The following USP12 variants were observed in gnomAD, a reference collection of about 807,000 sequenced individuals.
The protein encoded by USP12 is ubiquitin specific peptidase 12.
A neutral mutation model predicts 45.5 loss-of-function variants in USP12; 19 were observed. The ratio of observed to expected loss-of-function variants is 0.42; its 90% CI spans 0.29 to 0.61. The LOEUF (loss-of-function observed/expected upper bound fraction) is 0.61, where lower values mean the gene tolerates loss of function less well. Ranked by LOEUF, USP12 falls within the 20% of genes least tolerant of loss-of-function variation. USP12 has a pLI of 0.22. For missense variants in USP12, 242 were observed against 447.7 expected (o/e 0.54, Z 4.15); for synonymous variants, 149 against 148.8 (o/e 1.00, Z -0.01).
intron 2 of USP12, among the ~76,000 whole-genome samples, chr13:27,107,706 C>A (rs561695346): frequency 6.6e-6 from 1 of 152,166 alleles, no homozygotes; most frequent in East Asian, 1.9e-4. Context: ...ATGGCTGATA[C>A]AAGATCTGCG....
Position 27,095,507 on chromosome 13 carries a change from T to A in USP12, c.573+94A>T, listed in dbSNP as rs536665196. 1.4e-5 allele frequency: 13 copies of A among 942,446 alleles called. No individual in the cohort carries two copies. In the African/African-American group the frequency reaches 2.0e-4, roughly 15 times the overall value. The allele number at this position is 942,446 out of a possible 1,614,324, so 58.4% of individuals were successfully genotyped here. A position where few individuals can be genotyped will look rare whatever the true frequency, so the allele number is the denominator to read the frequency against. ...AACTCCTATACCTAAGAATTACAAC[T>A]TTCAAGTTCATCTTCCATTCTGTCT... On this transcript the variant is annotated intron_variant, in intron 4 of 8. Transcript: ENST00000282344.
rs1348645635 is a variant in USP12 at position 27,129,373 on chromosome 13, A to G, written c.49-12777T>C. Among the ~76,000 whole-genome samples, 2 of 152,250 alleles carry G rather than the reference A, an allele frequency of 1.3e-5. No homozygotes were observed. Among genetic ancestry groups the G allele is most frequent in the Admixed American group, 1.3e-4 (2 of 15,290 alleles). On this transcript the variant is annotated intron_variant, in intron 1 of 8. Coordinates refer to ENST00000282344, the MANE Select transcript of USP12 (RefSeq NM_182488.4). This position sits in a 1 kb window ranked among gnomAD's most constrained non-coding sequence, Gnocchi z 4.0. ...ACAACTTTTAAGTTCTGCAAAAATAAAAACCATTCTTAGTAACCACACCAT... is the reference window on the plus strand; with the variant it reads ...ACAACTTTTAAGTTCTGCAAAAATAGAAACCATTCTTAGTAACCACACCAT...
intron 1 of USP12, among the ~76,000 whole-genome samples, chr13:27,125,363 A>G (rs1876177637): frequency 1.3e-5 from 2 of 152,178 alleles, no homozygotes; most frequent in Non-Finnish European, 2.9e-5. Context: ...AGATGTAGAG[A>G]TAAGAGAATA....
At chr13:27,145,763 T>C (rs1185369072) in intron 1 of USP12, among the ~76,000 whole-genome samples, 1 of 152,064 alleles carries the variant, frequency 6.6e-6, no homozygotes, top group East Asian at 1.9e-4. Context: ...ACCACAAAAT[T>C]TTGTTATCAA....
chr13:27,135,944 A>G (rs929670408), intron 1 of USP12, among the ~76,000 whole-genome samples: 6 of 152,190 alleles, frequency 3.9e-5, no homozygotes, highest in African/African-American at 1.4e-4. Context: ...CTCATTTTAC[A>G]TAAAATTCAG....
At chr13:27,138,023 C>T (rs1031611144) in intron 1 of USP12, among the ~76,000 whole-genome samples, 1 of 152,208 alleles carries the variant, frequency 6.6e-6, no homozygotes, top group African/African-American at 2.4e-5. Context: ...CAGCCAGCAC[C>T]CTAAGTGAGC....
At chr13:27,128,886 C>T (rs1164172539) in intron 1 of USP12, among the ~76,000 whole-genome samples, 3 of 152,304 alleles carry the variant, frequency 2.0e-5, no homozygotes, top group African/African-American at 7.2e-5. Flanking sequence ...GTACCTACCA[C>T]TCCTGAGAAG....
intron 2 of USP12, among the ~76,000 whole-genome samples, chr13:27,109,895 C>G (rs571789): frequency 0.98 from 138,535 of 141,832 alleles, 67,744 homozygotes; most frequent in East Asian, 1. Flanking sequence ...CTGGGCGACA[C>G]AGTGAGACTC....
intron 1 of USP12, among the ~76,000 whole-genome samples, chr13:27,131,291 C>T (rs1317817136): frequency 6.6e-6 from 1 of 152,184 alleles, no homozygotes; most frequent in Non-Finnish European, 1.5e-5. Flanking sequence ...TGAGCTCCAC[C>T]ACCACTTCTC....
At chr13:27,152,941 CAAAAAAAA>C (rs11306580) in intron 1 of USP12, among the ~76,000 whole-genome samples, 2 of 92,838 alleles carry the variant, frequency 2.2e-5, no homozygotes, top group African/African-American at 8.6e-5. Flanking sequence ...GACTCCGTCT[CAAAAAAAA>C]AAAAAAAAAA....
In USP12 at chr13:27,129,221, A is replaced by G. The variant is rs1285169716; in HGVS notation, c.49-12625T>C. Among the ~76,000 whole-genome samples the G allele has an allele frequency of 8.0e-6, 1 of 124,694 alleles. No homozygotes were observed. Among genetic ancestry groups the G allele is most frequent in the African/African-American group, 2.6e-5 (1 of 38,312 alleles). 81.8% of individuals were successfully genotyped at this position (124,694 alleles called of 152,430 possible). ...GACAACAGGAATATTATATTAAACC[A>G]CAGTTAAGTGGAAAGAACAAAGCAG... On this transcript the variant is annotated intron_variant, in intron 1 of 8. Coordinates refer to ENST00000282344, the MANE Select transcript of USP12 (RefSeq NM_182488.4). This position sits in a 1 kb window ranked among gnomAD's most constrained non-coding sequence, Gnocchi z 4.0.
chr13:27,145,270 A>G (rs1877261032), intron 1 of USP12, among the ~76,000 whole-genome samples: 1 of 152,200 alleles, frequency 6.6e-6, no homozygotes, highest in Non-Finnish European at 1.5e-5. Context: ...TTTTCTCCAT[A>G]TGGCAATGGT....
chr13:27,156,219 G>GAAAAAAAAA (rs56139734), intron 1 of USP12, among the ~76,000 whole-genome samples: 1 of 141,892 alleles, frequency 7.0e-6, no homozygotes. Context: ...CTCCTGCAAG[G>GAAAAAAAAA]AAAAAAAAAA....
intron 7 of USP12, among the ~76,000 whole-genome samples, chr13:27,072,789 T>G (rs1873304583): frequency 1.3e-5 from 2 of 151,940 alleles, no homozygotes; most frequent in African/African-American, 4.8e-5. Context: ...TTGCTAGAAG[T>G]CTCTTCTAGG....
intron 1 of USP12, among the ~76,000 whole-genome samples, chr13:27,144,874 A>T (rs1464218522): frequency 6.6e-6 from 1 of 151,670 alleles, no homozygotes; most frequent in African/African-American, 2.4e-5. Flanking sequence ...AGCCCGGGTA[A>T]TAGGGCCAAA....
At chr13:27,141,764 G>C (rs1452355902) in intron 1 of USP12, among the ~76,000 whole-genome samples, 2 of 152,144 alleles carry the variant, frequency 1.3e-5, no homozygotes, top group Non-Finnish European at 2.9e-5. Flanking sequence ...ACTAGTAGAG[G>C]TTGAGCATCC....
rs756002834 is a variant in USP12, at chr13:27,090,150, G to A, written c.582C>T (p.Ser194=). The change falls in exon 5 of 9, where the codon AGC becomes AGT. Residue 194 remains serine, a synonymous_variant. Coordinates refer to ENST00000282344, the MANE Select transcript of USP12 (RefSeq NM_182488.4). ...AAAGGTCTAAAAAATCTTCATCTTTGCTGCTTATCTGTAAAAACAGTGAAT... is the reference window on the plus strand; with the variant it reads ...AAAGGTCTAAAAAATCTTCATCTTTACTGCTTATCTGTAAAAACAGTGAAT... ...TRCLTCETIS[S]KDEDFLDLSV... is the part of the protein sequence containing the mutation. 1.1e-5 allele frequency: 17 copies of A among 1,575,338 alleles called. No homozygotes were observed. Among genetic ancestry groups the A allele is most frequent in the African/African-American group, 1.3e-5 (1 of 74,392 alleles).
At chr13:27,090,252 T>C in intron 4 of USP12, 94 bp from the exon 5 acceptor site, 1 of 983,500 alleles carries the variant, frequency 1.0e-6, no homozygotes. Flanking sequence ...TTATTATCAG[T>C]AAGTAAACAA....
At chr13:27,145,432 A>C (rs1050946761) in intron 1 of USP12, among the ~76,000 whole-genome samples, 1 of 152,244 alleles carries the variant, frequency 6.6e-6, no homozygotes, top group South Asian at 2.1e-4. Context: ...AATCATCTTT[A>C]GAAATCAATC....
Sources: gnomAD v4.1 joint callset for allele counts (sites outside exome capture counted in the v4.1 genomes callset) on GRCh38, gnomAD v4.1.1 for gene constraint, Gnocchi (gnomAD v3.1) non-coding constraint, MANE v1.5 for transcripts, NCBI Gene and HGNC (gene_info 2026-07-23, HGNC 2026-07-21) for gene names.